MAGI2: variants seen among roughly 807,000 people sequenced by gnomAD.
MAGI2 encodes the protein membrane-associated guanylate kinase, WW and PDZ domain-containing protein 2.
A neutral mutation model predicts 133.3 loss-of-function variants in MAGI2; 35 were observed. The ratio of observed to expected loss-of-function variants is 0.26; its 90% CI spans 0.20 to 0.35. The LOEUF (loss-of-function observed/expected upper bound fraction) is 0.35. Among genes scored for constraint, MAGI2 ranks in the 10% least tolerant of loss-of-function variants. The pLI is 1.00. For missense variants in MAGI2, 1,636 were observed against 1,863.4 expected (o/e 0.88, Z 2.25); for synonymous variants, 729 against 710.6 (o/e 1.03, Z -0.41).
intron 6 of MAGI2, among the ~76,000 whole-genome samples, chr7:78,466,882 G>C (rs1790690726): frequency 6.6e-6 from 1 of 152,122 alleles, no homozygotes; most frequent in Non-Finnish European, 1.5e-5. Context: ...ATCCTGTTCT[G>C]TGACCTTGCC....
rs187418216 is a variant in MAGI2, at chr7:78,759,062, A to C, written c.419-131823T>G. 2.2e-3 allele frequency among the ~76,000 whole-genome samples: 334 copies of C among 152,264 alleles called. 2 individuals are homozygous for C. Among genetic ancestry groups the C allele is most frequent in the Non-Finnish European group, 6.2e-4 (42 of 68,018 alleles). ...CTTTGCTTAAGGCACTCATCCACAA[A>C]GTGATGACTTCGTGGAATGCAAATA... On this transcript the variant is annotated intron_variant, in intron 2 of 21. Coordinates refer to ENST00000354212, the MANE Select transcript of MAGI2 (RefSeq NM_012301.4).
intron 2 of MAGI2, among the ~76,000 whole-genome samples, chr7:78,949,964 A>G (rs1006611075): frequency 6.6e-6 from 1 of 152,140 alleles, no homozygotes; most frequent in African/African-American, 2.4e-5. Flanking sequence ...ACTGGCCTCC[A>G]TTGACAGGCA....
chr7:78,904,602 C>A (rs1797863788), intron 2 of MAGI2, among the ~76,000 whole-genome samples: 1 of 149,476 alleles, frequency 6.7e-6, no homozygotes, highest in South Asian at 2.1e-4. Flanking sequence ...CGGCTCACTG[C>A]AGCCTCTGCC....
At chr7:79,061,296 G>GAA (rs397940838) in intron 1 of MAGI2, among the ~76,000 whole-genome samples, 4 of 141,324 alleles carry the variant, frequency 2.8e-5, no homozygotes, top group African/African-American at 7.7e-5. Flanking sequence ...AGGACTGTTA[G>GAA]AAAAAAAAAA....
At chr7:79,357,872 G>A (rs190354899) in intron 1 of MAGI2, among the ~76,000 whole-genome samples, 29 of 152,164 alleles carry the variant, frequency 1.9e-4, no homozygotes, top group Middle Eastern at 6.8e-3. Flanking sequence ...ACGTAACTAA[G>A]TATGAGCATG....
At chr7:78,323,222 G>A (rs1295364272) in intron 9 of MAGI2, among the ~76,000 whole-genome samples, 2 of 152,138 alleles carry the variant, frequency 1.3e-5, no homozygotes, top group Admixed American at 1.3e-4. Flanking sequence ...GGCATCAACA[G>A]ACTATAATGC....
Position 78,132,027 on chromosome 7 carries a change from A to T in MAGI2, c.3203+862T>A, listed in dbSNP as rs539617774. 4.6e-5 allele frequency among the ~76,000 whole-genome samples: 7 copies of T among 152,212 alleles called. No individual in the cohort carries two copies. The South Asian group carries it at 1.5e-3, about 32-fold the overall frequency. On this transcript the variant is annotated intron_variant, in intron 18 of 21. Transcript: ENST00000354212. ...GTAGCTGGGACTACAGGCGTGTACC[A>T]CCACAACCGGCTAACTTTTGTGTTT...
chr7:79,141,527 C>T (rs1822132157), intron 1 of MAGI2, among the ~76,000 whole-genome samples: 1 of 152,152 alleles, frequency 6.6e-6, no homozygotes, highest in African/African-American at 2.4e-5. Flanking sequence ...AATAATGATG[C>T]ACACCATTGT....
chr7:79,280,210 C>T (rs1385001748), intron 1 of MAGI2, among the ~76,000 whole-genome samples: 2 of 152,046 alleles, frequency 1.3e-5, no homozygotes, highest in South Asian at 2.1e-4. Flanking sequence ...ACAGAGATGA[C>T]GTAGAGAAGA....
At chr7:78,299,509 T>C (rs1797640526) in intron 9 of MAGI2, among the ~76,000 whole-genome samples, 1 of 152,178 alleles carries the variant, frequency 6.6e-6, no homozygotes, top group Non-Finnish European at 1.5e-5. Context: ...AATTACAAAA[T>C]AATTGGAAAG....
At chr7:78,386,100 T>C (rs1471310504) in intron 6 of MAGI2, among the ~76,000 whole-genome samples, 1 of 152,124 alleles carries the variant, frequency 6.6e-6, no homozygotes, top group Non-Finnish European at 1.5e-5. Context: ...CTCTGCAGCA[T>C]TCCTGGGCAG....
rs758610438 is a variant in MAGI2 at position 78,167,954 on chromosome 7, T to C, written c.2558A>G (p.Gln853Arg). The part of the protein sequence containing the change: ...DLMHHAARNG[Q>R]VNLTVRRKVL... ...CTTTCTTCTCACAGTGAGGTTGACCTGCCCATTGCGGGCTGCGTGGTGCAT... is the reference window on the plus strand; with the variant it reads ...CTTTCTTCTCACAGTGAGGTTGACCCGCCCATTGCGGGCTGCGTGGTGCAT... The change falls in exon 15 of 22, where the codon CAG (glutamine) becomes CGG (arginine). Residue 853 changes from glutamine (Q) to arginine (R), a missense_variant. Coordinates refer to ENST00000354212, the MANE Select transcript of MAGI2 (RefSeq NM_012301.4). The C allele has an allele frequency of 6.2e-7, 1 of 1,614,180 alleles. No individual in the cohort carries two copies. Among genetic ancestry groups the C allele is most frequent in the Non-Finnish European group, 8.5e-7 (1 of 1,180,032 alleles).
At chr7:78,449,185 T>A (rs1788463411) in intron 6 of MAGI2, among the ~76,000 whole-genome samples, 1 of 151,984 alleles carries the variant, frequency 6.6e-6, no homozygotes, top group Admixed American at 6.6e-5. Context: ...GAAACATGTG[T>A]AGGCCCCTGA....
chr7:78,267,700 T>G (rs1794153516), intron 9 of MAGI2, among the ~76,000 whole-genome samples: 1 of 152,176 alleles, frequency 6.6e-6, no homozygotes, highest in South Asian at 2.1e-4. Flanking sequence ...TACCTTATTT[T>G]ATCAGACATC....
intron 2 of MAGI2, among the ~76,000 whole-genome samples, chr7:78,734,770 C>T (rs895865435): frequency 9.9e-5 from 15 of 152,104 alleles, no homozygotes; most frequent in Non-Finnish European, 2.2e-4. Context: ...GCAGATCTGT[C>T]AAAGCTAAGG....
intron 1 of MAGI2, among the ~76,000 whole-genome samples, chr7:79,066,487 T>G (rs904622706): frequency 1.3e-5 from 2 of 152,146 alleles, no homozygotes; most frequent in African/African-American, 4.8e-5. Flanking sequence ...GATGGATAGA[T>G]TGCAAACATT....
chr7:78,195,970 ACT>A (rs1828692019), intron 11 of MAGI2, among the ~76,000 whole-genome samples: 1 of 151,254 alleles, frequency 6.6e-6, no homozygotes, highest in African/African-American at 2.4e-5. Context: ...TCCTGCTGAA[ACT>A]CTGCTCTGAG....
At chr7:78,827,255 T>C (rs547484882) in intron 2 of MAGI2, among the ~76,000 whole-genome samples, 1 of 151,924 alleles carries the variant, frequency 6.6e-6, no homozygotes, top group East Asian at 1.9e-4. Flanking sequence ...CCAGGACTCC[T>C]TAGGGAAATG....
In MAGI2 at chr7:78,508,664, C is replaced by A. The variant is rs998087966; in HGVS notation, c.755-6877G>T. Reference sequence around the variant, plus strand: ...CTGATGAGAAAAATGTGCATGTAAGCATGCTCTCGCACACATCATATATAT... The same window carrying A: ...CTGATGAGAAAAATGTGCATGTAAGAATGCTCTCGCACACATCATATATAT... On this transcript the variant is annotated intron_variant, in intron 4 of 21. Transcript: ENST00000354212. Among the ~76,000 whole-genome samples the A allele has an allele frequency of 2.0e-5, 3 of 152,112 alleles. No homozygotes were observed. The East Asian group carries it at 5.8e-4, about 29-fold the overall frequency.
Sources: gnomAD v4.1 joint callset for allele counts (sites outside exome capture counted in the v4.1 genomes callset) on GRCh38, gnomAD v4.1.1 for gene constraint, MANE v1.5 for transcripts, NCBI Gene and HGNC (gene_info 2026-07-23, HGNC 2026-07-21) for gene names.